MYOM1: variants seen among roughly 807,000 people sequenced by gnomAD.
MYOM1 encodes myomesin 1.
MYOM1 carries 164 observed loss-of-function variants against 205.3 expected under a neutral mutation model. That is an observed-to-expected ratio of 0.80 (90% CI 0.70 to 0.91). The LOEUF (loss-of-function observed/expected upper bound fraction) is 0.91. Ranked by LOEUF, MYOM1 falls within the 40% of genes least tolerant of loss-of-function variation. The pLI is 0.00. For synonymous variants in MYOM1, 772 were observed against 789.4 expected (o/e 0.98, Z 0.37); for missense variants, 2,011 against 2,127.3 (o/e 0.95, Z 1.08).
chr18:3,183,883 C>CT (rs1203491673), intron 5 of MYOM1, among the ~76,000 whole-genome samples: 12 of 151,736 alleles, frequency 7.9e-5, no homozygotes. Flanking sequence ...AATTAGCACT[C>CT]CAGTGAATCA....
intron 13 of MYOM1, among the ~76,000 whole-genome samples, chr18:3,143,246 GA>G (rs948837786): frequency 3.4e-4 from 52 of 152,046 alleles, no homozygotes; most frequent in Non-Finnish European, 5.4e-4. Context: ...AGTACTGAGA[GA>G]AAAAACTGTC....
chr18:3,144,067 A>G (rs2080089760), intron 13 of MYOM1, among the ~76,000 whole-genome samples: 1 of 151,906 alleles, frequency 6.6e-6, no homozygotes, highest in Non-Finnish European at 1.5e-5. Context: ...TTAGCCGGGC[A>G]TTGTGGCGGG....
At chr18:3,074,150 G>A (rs563011941) in intron 36 of MYOM1, among the ~76,000 whole-genome samples, 4 of 152,322 alleles carry the variant, frequency 2.6e-5, no homozygotes, top group Admixed American at 6.5e-5. Context: ...GCTTGTGGAT[G>A]TAGGCTTTGC....
chr18:3,086,661 G>A (rs1294964510), intron 29 of MYOM1, among the ~76,000 whole-genome samples: 4 of 152,092 alleles, frequency 2.6e-5, no homozygotes, highest in African/African-American at 7.2e-5. Context: ...TAGCAATTTC[G>A]AGGAGACTCA....
chr18:3,094,216 G>C lies in MYOM1; in HGVS notation c.3818C>G (p.Ala1273Gly). Reference sequence around the variant, plus strand: ...CTCGTTAAATATGTAGTTGACTTTGGCATTGCCAGACAGTTTCTCAGCCTG... The same window carrying C: ...CTCGTTAAATATGTAGTTGACTTTGCCATTGCCAGACAGTTTCTCAGCCTG... ...WMQAEKLSGN[A>G]KVNYIFNEKE... The change falls in exon 26 of 38, where the codon GCC becomes GGC. Residue 1273 changes from alanine to glycine, a missense_variant. Physicochemically the swap from Ala to Gly is moderately conservative, Grantham distance 60. Coordinates refer to ENST00000356443, the MANE Select transcript of MYOM1 (RefSeq NM_003803.4). The C allele has an allele frequency of 6.2e-7, 1 of 1,613,930 alleles. No homozygotes were observed. The highest frequency in any genetic ancestry group is 8.5e-7 in the Non-Finnish European group (1 of 1,179,854).
Position 3,131,469 on chromosome 18 carries a change from A to G in MYOM1, c.2412T>C (p.Gly804=). The change falls in exon 17 of 38, where the codon GGT becomes GGC. Residue 804 remains glycine, a synonymous_variant. Coordinates refer to ENST00000356443, the MANE Select transcript of MYOM1 (RefSeq NM_003803.4). ...SRFTCHGLVT[G]QSYIFRVRAV... is the part of the protein sequence containing the mutation. ...CTCTGACCCGGAAAATATAACTCTG[A>G]CCAGTCACTAATCCATGACAAGTGA... The G allele has an allele frequency of 1.2e-6, 2 of 1,613,398 alleles. No homozygotes were observed. The highest frequency in any genetic ancestry group is 2.2e-5 in the South Asian group (2 of 90,914).
At chr18:3,186,802 G>GAGAAAGAA (rs10655152) in intron 5 of MYOM1, among the ~76,000 whole-genome samples, 1,505 of 138,848 alleles carry the variant, frequency 0.011, 18 homozygotes, top group Middle Eastern at 0.018. Context: ...AAGAAAGAAA[G>GAGAAAGAA]AGAAAGAAAG....
chr18:3,086,123 A>G lies in MYOM1; in HGVS notation c.4166T>C (p.Ile1389Thr). Residue 1389 changes from isoleucine (I) to threonine (T), a missense_variant, in exon 30 of 38, where the codon ATT (isoleucine) becomes ACT (threonine). Transcript: ENST00000356443. The part of the protein sequence containing the change: ...KVANIKKETH[I>T]VWYKDEREIS... ...CTCCCTCTCATCTTTGTACCACACA[A>G]TATGAGTCTCCTTCTTAATATTTGC... is the stretch of plus-strand genomic sequence containing the variant. 1 of 1,606,494 alleles carries G rather than the reference A, an allele frequency of 6.2e-7. No homozygotes were observed. The highest frequency in any genetic ancestry group is 8.5e-7 in the Non-Finnish European group (1 of 1,177,612).
chr18:3,239,774 A>AG, the MYOM1 span, among the ~76,000 whole-genome samples: 4 of 150,724 alleles, frequency 2.7e-5, no homozygotes, highest in African/African-American at 9.9e-5. Flanking sequence ...AAAAAAAAAA[A>AG]AAAAAAAAAG....
chr18:3,158,830 T>C (rs1183608557), intron 10 of MYOM1, among the ~76,000 whole-genome samples: 8 of 152,146 alleles, frequency 5.3e-5, no homozygotes, highest in Non-Finnish European at 8.8e-5. Context: ...CCCAGGCTGG[T>C]CTTGAACTCC....
At chr18:3,198,422 G>A (rs2081020844) in intron 2 of MYOM1, among the ~76,000 whole-genome samples, 1 of 152,160 alleles carries the variant, frequency 6.6e-6, no homozygotes, top group Admixed American at 6.5e-5. Context: ...TGGTCTCAGT[G>A]ATTTTTATAT....
chr18:3,246,416 G>C, the MYOM1 span: 10 of 152,178 alleles, frequency 6.6e-5, no homozygotes, highest in African/African-American at 2.4e-4. Flanking sequence ...TGGAAATGAC[G>C]CAATTATTTT....
rs747546925 is a variant in MYOM1, at chr18:3,152,521, C to G, written c.1644-628G>C. 3.9e-5 allele frequency among the ~76,000 whole-genome samples: 6 copies of G among 152,140 alleles called. No homozygotes were observed. Among genetic ancestry groups the G allele is most frequent in the Non-Finnish European group, 8.8e-5 (6 of 68,028 alleles). On this transcript the variant is annotated intron_variant, in intron 11 of 37. Transcript: ENST00000356443. The surrounding 1 kb of genome is among the most constrained non-coding windows in gnomAD (Gnocchi z 4.3). ...CAGATTGAGTGGGTACTTGGAAACA[C>G]TGATTTCTAATTGAGTGCTTTTACA...
chr18:3,196,686 T>C (rs1048510183), intron 2 of MYOM1, among the ~76,000 whole-genome samples: 2 of 152,238 alleles, frequency 1.3e-5, no homozygotes, highest in Non-Finnish European at 2.9e-5. Context: ...ATGCTAGTCC[T>C]TGTTAATATG....
At chr18:3,181,521 ATG>A (rs1208625197) in intron 5 of MYOM1, among the ~76,000 whole-genome samples, 1 of 152,212 alleles carries the variant, frequency 6.6e-6, no homozygotes. Flanking sequence ...AAATTTGAAT[ATG>A]TGATTAATAA....
At chr18:3,127,412 A>AATTCTCCT (rs529635965) in intron 18 of MYOM1, among the ~76,000 whole-genome samples, 311 of 148,842 alleles carry the variant, frequency 2.1e-3, no homozygotes, top group African/African-American at 6.5e-3. Context: ...GGGTTCAAGC[A>AATTCTCCT]ATTCTCCTGC....
At chr18:3,216,281 CA>C (rs570320573) in intron 1 of MYOM1, among the ~76,000 whole-genome samples, 2 of 151,980 alleles carry the variant, frequency 1.3e-5, no homozygotes, top group African/African-American at 4.8e-5. Context: ...TGAAACAAAA[CA>C]AAAAAGAAAT....
At chr18:3,160,947 G>A (rs997024740) in intron 10 of MYOM1, among the ~76,000 whole-genome samples, 1 of 152,230 alleles carries the variant, frequency 6.6e-6, no homozygotes, top group South Asian at 2.1e-4. Flanking sequence ...ACTGGGTCAG[G>A]GTTCCTAGAA....
Position 3,067,454 on chromosome 18 carries a change from C to A in MYOM1, c.4866G>T (p.Lys1622Asn). ...AGTACGCGGTCCTCCCAGCCTCGAA[C>A]TTGAGGTTGCAGTGGTCGTCTGAGG... is the stretch of plus-strand genomic sequence containing the variant. The part of the protein sequence containing the change: ...ALASDDHCNL[K>N]FEAGRTAYFT... The change falls in exon 38 of 38, where the codon AAG (lysine) becomes AAT (asparagine). Residue 1622 changes from lysine (K) to asparagine (N), a missense_variant. Coordinates refer to ENST00000356443, the MANE Select transcript of MYOM1 (RefSeq NM_003803.4). The A allele has an allele frequency of 6.2e-7, 1 of 1,613,822 alleles. No individual in the cohort carries two copies. Among genetic ancestry groups the A allele is most frequent in the Non-Finnish European group, 8.5e-7 (1 of 1,179,910 alleles).
Sources: allele counts gnomAD v4.1 joint callset (sites outside exome capture counted in the v4.1 genomes callset), GRCh38; gene constraint gnomAD v4.1.1; non-coding constraint Gnocchi (gnomAD v3.1); transcripts MANE v1.5; gene names NCBI Gene and HGNC (gene_info 2026-07-23, HGNC 2026-07-21).